The following TNIP1 variants were observed in gnomAD, a reference collection of about 807,000 sequenced individuals.
TNIP1 encodes TNFAIP3-interacting protein 1.
A neutral mutation model predicts 86.6 loss-of-function variants in TNIP1; 22 were observed. That is an observed-to-expected ratio of 0.25 (90% confidence interval 0.18 to 0.36). The LOEUF (loss-of-function observed/expected upper bound fraction) is 0.36. Ranked by LOEUF, TNIP1 falls within the 10% of genes least tolerant of loss-of-function variation. TNIP1 has a pLI of 1.00. For missense variants in TNIP1, 709 were observed against 820.6 expected (o/e 0.86, Z 1.66); for synonymous variants, 294 against 313.0 (o/e 0.94, Z 0.64).
chr5:151,085,387 A>C (rs896116990), upstream of TNIP1, among the ~76,000 whole-genome samples: 14 of 152,216 alleles, frequency 9.2e-5, no homozygotes, highest in South Asian at 2.1e-4. Context: ...TTCCAGGAGG[A>C]CCCCAAGGCC....
At position 151,032,279 on chromosome 5, in the gene TNIP1, G is replaced by A. The variant is rs373437590; in HGVS notation, c.1876+8C>T. 1.1e-4 allele frequency: 179 copies of A among 1,611,296 alleles called. 1 individual carries two copies. In the African/African-American group the frequency reaches 2.2e-3, roughly 20 times the overall value. ...AGGGAGGACCAAGACTCAGTATTAG[G>A]GGCTCACCTGGTTCTGTAGGCCTGG... On this transcript the variant is annotated splice_region_variant and intron_variant, in intron 17 of 17. Coordinates refer to ENST00000521591, the MANE Select transcript of TNIP1 (RefSeq NM_006058.5).
chr5:151,032,116 C>T lies in TNIP1; in HGVS notation c.1876+171G>A, dbSNP rs146838295. The T allele has an allele frequency of 1.1e-3, 651 of 606,960 alleles. 5 individuals are homozygous for T. In the East Asian group the frequency reaches 0.016, roughly 15 times the overall value. The allele number at this position is 606,960 out of a possible 1,614,324, so 37.6% of individuals were successfully genotyped here. ...ATGCACTAGAATGAATGGTTTCAGCCCCCCTCACTCTGTGGTTGCCATTAC... is the reference window on the plus strand; with the variant it reads ...ATGCACTAGAATGAATGGTTTCAGCTCCCCTCACTCTGTGGTTGCCATTAC... On this transcript the variant is annotated intron_variant, in intron 17 of 17. Coordinates refer to ENST00000521591, the MANE Select transcript of TNIP1 (RefSeq NM_006058.5).
At chr5:151,043,107 G>A in intron 9 of TNIP1, 146 bp from the exon 10 acceptor site, 5 of 824,080 alleles carry the variant, frequency 6.1e-6, no homozygotes, top group East Asian at 5.0e-5. Flanking sequence ...CTCAGCTCTC[G>A]AAAACTCAAT....
chr5:151,081,866 A>T (rs1764052421), upstream of TNIP1, among the ~76,000 whole-genome samples: 1 of 152,222 alleles, frequency 6.6e-6, no homozygotes, highest in African/African-American at 2.4e-5. Context: ...AACTTGCTTT[A>T]AGGGTAGGAA....
intron 1 of TNIP1, among the ~76,000 whole-genome samples, chr5:151,067,431 G>C (rs1027116287): frequency 6.6e-6 from 1 of 152,190 alleles, no homozygotes. Context: ...TATTCCTGTC[G>C]GGAGCACAGG....
At chr5:151,050,591 G>C (rs180967030) in intron 7 of TNIP1, among the ~76,000 whole-genome samples, 2 of 152,302 alleles carry the variant, frequency 1.3e-5, no homozygotes, top group Admixed American at 1.3e-4. Flanking sequence ...TGATAGAGGA[G>C]ATCATAAAAT....
chr5:151,042,924 C>A lies in TNIP1; in HGVS notation c.974G>T (p.Arg325Leu). 6.2e-7 allele frequency: 1 copy of A among 1,614,136 alleles called. No homozygotes were observed. Among genetic ancestry groups the A allele is most frequent in the Non-Finnish European group, 8.5e-7 (1 of 1,180,032 alleles). The change falls in exon 10 of 18, where the codon CGG (arginine) becomes CTG (leucine). Residue 325 changes from arginine (R) to leucine (L), a missense_variant. By Grantham distance (102) the Arg-to-Leu change is moderately radical. Transcript: ENST00000521591. ...EVNKQWDQHF[R>L]SMKQQYEQKI... ...CTGCTCATACTGCTGCTTCATGGAC[C>A]GGAAATGCTGGTCCCACTGCTTGTT... is the stretch of plus-strand genomic sequence containing the variant.
At position 151,036,776 on chromosome 5, in the gene TNIP1, C is replaced by T; in HGVS notation, c.1395+14G>A. On this transcript the variant is annotated intron_variant, in intron 13 of 17. Coordinates refer to ENST00000521591, the MANE Select transcript of TNIP1 (RefSeq NM_006058.5). ...CAGAGCACCTCCCACCTGATTTCCT[C>T]CCGGAAGCCTCACCTGCTGTTTCAG... The T allele has an allele frequency of 6.2e-7, 1 of 1,613,978 alleles. No homozygotes were observed. The highest frequency in any genetic ancestry group is 8.5e-7 in the Non-Finnish European group (1 of 1,179,880).
intron 1 of TNIP1, among the ~76,000 whole-genome samples, chr5:151,070,805 G>C (rs1290482311): frequency 6.6e-6 from 1 of 152,102 alleles, no homozygotes; most frequent in East Asian, 1.9e-4. Context: ...TCAAAGGCCG[G>C]GTTGGATTTT....
chr5:151,050,501 C>T (rs527620857), intron 7 of TNIP1, among the ~76,000 whole-genome samples: 1 of 152,142 alleles, frequency 6.6e-6, no homozygotes, highest in Non-Finnish European at 1.5e-5. Context: ...TCCATTTACT[C>T]TAGTTAAAGT....
At chr5:151,086,937 A>G (rs2287724) in intron 1 of TNIP1, 61,920 of 152,444 alleles carry the variant, frequency 0.41, 12,765 homozygotes, top group East Asian at 0.49. Context: ...AGAGCAAGCT[A>G]GGCTGAGAGC....
intron 1 of TNIP1, among the ~76,000 whole-genome samples, chr5:151,065,610 C>A (rs906481532): frequency 6.6e-6 from 1 of 152,080 alleles, no homozygotes; most frequent in African/African-American, 2.4e-5. Context: ...ATGGGCAGTC[C>A]CTTCCCCTCT....
At chr5:151,060,506 A>G in intron 4 of TNIP1, 111 bp from the exon 5 acceptor site, 1 of 884,112 alleles carries the variant, frequency 1.1e-6, no homozygotes, top group Non-Finnish European at 1.8e-6. Flanking sequence ...CATTTTGAGT[A>G]CACAGGGACC....
intron 5 of TNIP1, 59 bp downstream of exon 5, chr5:151,060,259 A>C: frequency 6.4e-7 from 1 of 1,573,460 alleles, no homozygotes. Context: ...ACATGGTAGC[A>C]AGTGACAGGA....
intron 4 of TNIP1, among the ~76,000 whole-genome samples, chr5:151,061,730 A>G (rs1761597140): frequency 6.6e-6 from 1 of 152,142 alleles, no homozygotes. Flanking sequence ...CTCCTGCCTC[A>G]GCCTCCCCAA....
At chr5:151,042,831 G>C (rs1758616926) in intron 10 of TNIP1, 65 bp downstream of exon 10, 1 of 1,609,056 alleles carries the variant, frequency 6.2e-7, no homozygotes, top group Admixed American at 1.7e-5. Context: ...GTTCAAAGCT[G>C]CTAAAGAGGC....
At chr5:151,063,469 G>T in intron 3 of TNIP1, 144 bp downstream of exon 3, 2 of 1,280,264 alleles carry the variant, frequency 1.6e-6, no homozygotes, top group Non-Finnish European at 2.2e-6. Context: ...GGATGTGGCA[G>T]CCAAAACATG....
chr5:151,081,186 G>T (rs986368329), upstream of TNIP1: 1 of 152,182 alleles, frequency 6.6e-6, no homozygotes, highest in Non-Finnish European at 1.5e-5. Context: ...GGTTCCGGGG[G>T]CCCGCGGTGT....
intron 17 of TNIP1, among the ~76,000 whole-genome samples, chr5:151,031,075 C>G (rs1010955533): frequency 3.3e-5 from 5 of 152,164 alleles, no homozygotes; most frequent in African/African-American, 1.2e-4. Flanking sequence ...GAGGGAGCCC[C>G]TCCCATTATA....
Sources: allele counts gnomAD v4.1 joint callset (sites outside exome capture counted in the v4.1 genomes callset), GRCh38; gene constraint gnomAD v4.1.1; transcripts MANE v1.5; gene names NCBI Gene and HGNC (gene_info 2026-07-23, HGNC 2026-07-21).